SHANK2: variants seen among roughly 807,000 people sequenced by gnomAD.
The protein encoded by SHANK2 is SH3 and multiple ankyrin repeat domains 2, also known as SH3 and multiple ankyrin repeat domains protein 2.
Under a neutral mutation model 133.7 loss-of-function variants are expected in SHANK2, and 43 were observed. The observed-to-expected ratio is 0.32, with a 90% CI of 0.25 to 0.41. The LOEUF (loss-of-function observed/expected upper bound fraction) is 0.41. Among genes scored for constraint, SHANK2 ranks in the 10% least tolerant of loss-of-function variants. The probability of loss-of-function intolerance (pLI) is 1.00; values close to 1 mark genes in which losing one functional copy is unlikely to be tolerated. For missense variants in SHANK2, 1,994 were observed against 2,235.8 expected (o/e 0.89, Z 2.18); for synonymous variants, 1,017 against 952.8 (o/e 1.07, Z -1.24).
chr11:70,636,698 C>T (rs201373905), intron 17 of SHANK2, among the ~76,000 whole-genome samples: 8 of 51,554 alleles, frequency 1.6e-4, no homozygotes, highest in East Asian at 4.3e-4. Context: ...TGTGTAAGCA[C>T]GTGTGTGAAC....
chr11:70,747,205 G>A (rs2134862848), intron 14 of SHANK2, among the ~76,000 whole-genome samples: 1 of 152,110 alleles, frequency 6.6e-6, no homozygotes, highest in South Asian at 2.1e-4. Flanking sequence ...CCACCCTGAA[G>A]TGGAAACCGG....
chr11:70,497,107 T>C, intron 21 of SHANK2: 1 of 447,476 alleles, frequency 2.2e-6, no homozygotes, highest in Non-Finnish European at 4.5e-6. Flanking sequence ...TTAGAGTTAG[T>C]GTAATTCAAA....
intron 11 of SHANK2, among the ~76,000 whole-genome samples, chr11:70,890,965 CAA>C (rs113710731): frequency 9.9e-5 from 12 of 121,730 alleles, no homozygotes; most frequent in African/African-American, 1.2e-4. Flanking sequence ...GACTCCGCCT[CAA>C]AAAAAAAAAA....
Position 71,086,229 on chromosome 11 carries a change from AAATTATATAATATAT to A in SHANK2, c.912+6178_912+6192del, listed in dbSNP as rs1951411072. On this transcript the variant is annotated intron_variant, in intron 8 of 25. Transcript: ENST00000601538. ...AATATATTATGTTATATAATATATT[AAATTATATAATATAT>A]TATGTTATATATGTTATATATTATA... Among the ~76,000 whole-genome samples, 31 of 53,516 alleles carry A rather than the reference AAATTATATAATATAT, an allele frequency of 5.8e-4. 1 individual carries two copies. In the East Asian group the frequency reaches 0.013, roughly 23 times the overall value. The allele number at this position is 53,516 out of a possible 152,430, so 35.1% of individuals were successfully genotyped here.
intron 2 of SHANK2, 75 bp downstream of exon 2, chr11:71,224,622 G>T (rs1321736724): frequency 6.6e-6 from 1 of 152,300 alleles, no homozygotes; most frequent in Non-Finnish European, 1.5e-5. Flanking sequence ...GTGCAAAGGT[G>T]GGGAGGTGGA....
chr11:71,086,184 TATA>T (rs1951408899), intron 8 of SHANK2, among the ~76,000 whole-genome samples: 1 of 10,944 alleles, frequency 9.1e-5, no homozygotes, highest in Admixed American at 2.2e-3. Context: ...TATTATGTTA[TATA>T]ATATATTAAA....
chr11:70,577,748 G>A (rs1473575660), intron 17 of SHANK2, among the ~76,000 whole-genome samples: 1 of 152,164 alleles, frequency 6.6e-6, no homozygotes, highest in Admixed American at 6.5e-5. Flanking sequence ...ATAAACGGAG[G>A]TAAACTGTGG....
intron 8 of SHANK2, among the ~76,000 whole-genome samples, chr11:71,085,814 G>A (rs1325998709): frequency 4.3e-5 from 1 of 23,016 alleles, no homozygotes; most frequent in African/African-American, 2.1e-4. Context: ...AATATATTAT[G>A]TTATATTATA....
At chr11:70,602,471 C>T (rs1316465884) in intron 17 of SHANK2, among the ~76,000 whole-genome samples, 1 of 152,218 alleles carries the variant, frequency 6.6e-6, no homozygotes. Flanking sequence ...CCTCTGTTTA[C>T]AGCCCCCCAA....
At chr11:70,508,821 C>T (rs2059164708) in intron 17 of SHANK2, among the ~76,000 whole-genome samples, 2 of 152,074 alleles carry the variant, frequency 1.3e-5, no homozygotes. Context: ...CTCTGGAGGT[C>T]GAGACTGCAA....
At chr11:70,815,344 T>C (rs1280884239) in intron 12 of SHANK2, among the ~76,000 whole-genome samples, 1 of 151,744 alleles carries the variant, frequency 6.6e-6, no homozygotes. Flanking sequence ...CAGGGACAAG[T>C]GTGGGGCGTG....
Position 71,218,008 on chromosome 11 carries a change from G to A in SHANK2, c.-13+6689C>T, listed in dbSNP as rs911470909. Reference sequence around the variant, plus strand: ...TGGGACTACAGGCACCCGCCACCACGCCCGGCTAATTTTTTGTATTTTTAG... The same window carrying A: ...TGGGACTACAGGCACCCGCCACCACACCCGGCTAATTTTTTGTATTTTTAG... On this transcript the variant is annotated intron_variant, in intron 2 of 25. Coordinates refer to ENST00000601538, the MANE Select transcript of SHANK2 (RefSeq NM_012309.5). Among the ~76,000 whole-genome samples, 8 of 151,914 alleles carry A rather than the reference G, an allele frequency of 5.3e-5. No individual in the cohort carries two copies. The East Asian group carries it at 7.9e-4, about 15-fold the overall frequency.
chr11:70,908,836 T>A (rs1440536303), intron 10 of SHANK2, among the ~76,000 whole-genome samples: 1 of 152,188 alleles, frequency 6.6e-6, no homozygotes, highest in African/African-American at 2.4e-5. Context: ...GCGACCCAAC[T>A]GATCTACCTC....
chr11:70,947,868 G>C (rs1950771171), intron 10 of SHANK2, among the ~76,000 whole-genome samples: 1 of 152,128 alleles, frequency 6.6e-6, no homozygotes, highest in South Asian at 2.1e-4. Flanking sequence ...TGCCATTTTA[G>C]AGTTCTCTTC....
chr11:70,499,587 G>A (rs2059020941), intron 21 of SHANK2, among the ~76,000 whole-genome samples: 1 of 152,264 alleles, frequency 6.6e-6, no homozygotes, highest in South Asian at 2.1e-4. Context: ...ATTCCCGTGA[G>A]CTGGGGTTTG....
chr11:71,137,329 T>C (rs1163154032), intron 3 of SHANK2, among the ~76,000 whole-genome samples: 3 of 147,142 alleles, frequency 2.0e-5, no homozygotes, highest in Non-Finnish European at 4.5e-5. Context: ...AGGTAACTGC[T>C]ATCTAAGAGA....
At chr11:70,519,010 A>G (rs1554970539) in intron 17 of SHANK2, among the ~76,000 whole-genome samples, 1 of 152,184 alleles carries the variant, frequency 6.6e-6, no homozygotes, top group East Asian at 1.9e-4. Context: ...CCTGGGCTCA[A>G]GCGATCCTCC....
At chr11:70,603,826 C>A (rs1230792726) in intron 17 of SHANK2, 5 of 152,710 alleles carry the variant, frequency 3.3e-5, no homozygotes, top group African/African-American at 1.2e-4. Context: ...CCATCCCCTG[C>A]CCAGGGGACA....
intron 11 of SHANK2, among the ~76,000 whole-genome samples, chr11:70,860,137 A>G (rs1185512251): frequency 6.6e-6 from 1 of 152,138 alleles, no homozygotes; most frequent in Non-Finnish European, 1.5e-5. Context: ...TTCTCTCAGA[A>G]GCCTCTTTGC....
Sources: gnomAD v4.1 joint callset for allele counts (sites outside exome capture counted in the v4.1 genomes callset) on GRCh38, gnomAD v4.1.1 for gene constraint, MANE v1.5 for transcripts, NCBI Gene and HGNC (gene_info 2026-07-23, HGNC 2026-07-21) for gene names.